The following GARIN1B variants were observed in gnomAD, a reference collection of about 807,000 sequenced individuals.
GARIN1B encodes the protein golgi associated RAB2 interactor 1B, also known as Golgi-associated RAB2 interactor protein 1B.
At chr7:128,710,885 C>T in the GARIN1B span, among the ~76,000 whole-genome samples, 3 of 151,852 alleles carry the variant, frequency 2.0e-5, no homozygotes, top group African/African-American at 4.8e-5. Context: ...CTCGAACTCC[C>T]AACCTCAGGT....
At chr7:128,726,950 T>C in the GARIN1B span, 1 of 1,235,946 alleles carries the variant, frequency 8.1e-7, no homozygotes, top group Non-Finnish European at 1.2e-6. Context: ...CCAGCCCCCA[T>C]CCTGGTTGTC....
chr7:128,725,496 A>G, the GARIN1B span, among the ~76,000 whole-genome samples: 1 of 151,982 alleles, frequency 6.6e-6, no homozygotes, highest in African/African-American at 2.4e-5. Context: ...CTTAGCCTCC[A>G]GTGTAGCTGG....
At chr7:128,721,272 G>T in the GARIN1B span, among the ~76,000 whole-genome samples, 1 of 152,218 alleles carries the variant, frequency 6.6e-6, no homozygotes. Flanking sequence ...CACATGCTTG[G>T]CCTATTTTGT....
the GARIN1B span, among the ~76,000 whole-genome samples, chr7:128,725,534 G>C: frequency 6.6e-6 from 1 of 152,036 alleles, no homozygotes; most frequent in African/African-American, 2.4e-5. Flanking sequence ...ACCATGCCTG[G>C]CTAATTTTTG....
chr7:128,731,499 C>T, the GARIN1B span: 13 of 302,022 alleles, frequency 4.3e-5, no homozygotes, highest in East Asian at 2.6e-4. Flanking sequence ...TAATAGGAAA[C>T]GGAAGAGACT....
At chr7:128,731,375 T>A in the GARIN1B span, 1 of 546,120 alleles carries the variant, frequency 1.8e-6, no homozygotes, top group Non-Finnish European at 3.3e-6. Flanking sequence ...GCCCAAGAGA[T>A]GAAGGAAAGG....
At chr7:128,715,779 G>A in the GARIN1B span, 2 of 1,186,068 alleles carry the variant, frequency 1.7e-6, no homozygotes, top group African/African-American at 1.5e-5. Flanking sequence ...CTGAAACTGG[G>A]GCAGAGTGAG....
the GARIN1B span, chr7:128,719,130 G>C: frequency 6.3e-7 from 1 of 1,591,988 alleles, no homozygotes; most frequent in South Asian, 1.1e-5. Flanking sequence ...AAAGCAGCAA[G>C]GTAGAGCTTA....
the GARIN1B span, among the ~76,000 whole-genome samples, chr7:128,726,146 C>A: frequency 1.3e-5 from 2 of 152,218 alleles, no homozygotes; most frequent in East Asian, 3.8e-4. Flanking sequence ...ATTTAGACTT[C>A]CAGTATCATG....
At chr7:128,714,476 G>A in the GARIN1B span, among the ~76,000 whole-genome samples, 7 of 152,086 alleles carry the variant, frequency 4.6e-5, no homozygotes, top group African/African-American at 1.4e-4. Flanking sequence ...TACTCGGGAG[G>A]CTGAGGCAGG....
At chr7:128,729,963 A>T in the GARIN1B span, 1 of 1,613,572 alleles carries the variant, frequency 6.2e-7, no homozygotes, top group Non-Finnish European at 8.5e-7. Flanking sequence ...GGAGGGCTTC[A>T]TTCACGTACG....
At chr7:128,722,614 G>A in the GARIN1B span, among the ~76,000 whole-genome samples, 2 of 152,182 alleles carry the variant, frequency 1.3e-5, no homozygotes, top group South Asian at 2.1e-4. Context: ...GACCAGCCTG[G>A]CCAACATGGT....
At chr7:128,725,588 T>C in the GARIN1B span, among the ~76,000 whole-genome samples, 1 of 152,142 alleles carries the variant, frequency 6.6e-6, no homozygotes, top group Non-Finnish European at 1.5e-5. Flanking sequence ...GCCAGGCTGG[T>C]CTCAAACTCC....
chr7:128,726,669 G>A, the GARIN1B span: 8 of 208,524 alleles, frequency 3.8e-5, no homozygotes, highest in Non-Finnish European at 5.5e-5. Context: ...TTTAATATGC[G>A]TCACACCCAT....
At chr7:128,718,982 A>G in the GARIN1B span, 1 of 1,614,180 alleles carries the variant, frequency 6.2e-7, no homozygotes, top group South Asian at 1.1e-5. Context: ...ACTGGTTCAA[A>G]TTCTGCAAAA....
chr7:128,723,968 A>G, the GARIN1B span, among the ~76,000 whole-genome samples: 1 of 152,208 alleles, frequency 6.6e-6, no homozygotes, highest in Non-Finnish European at 1.5e-5. Context: ...TAAGTTAGGT[A>G]TACAGGTGAA....
chr7:128,716,877 C>T, the GARIN1B span: 1 of 1,613,926 alleles, frequency 6.2e-7, no homozygotes, highest in Non-Finnish European at 8.5e-7. Flanking sequence ...CTGGGGGTGA[C>T]CTCCTCGGTA....
At chr7:128,723,756 C>T in the GARIN1B span, among the ~76,000 whole-genome samples, 1 of 151,966 alleles carries the variant, frequency 6.6e-6, no homozygotes, top group South Asian at 2.1e-4. Context: ...AGGTGAGCTG[C>T]CCGCCTCGGC....
chr7:128,717,009 A>G, the GARIN1B span: 1 of 1,595,904 alleles, frequency 6.3e-7, no homozygotes, highest in South Asian at 1.1e-5. Flanking sequence ...TGAGCAATGC[A>G]GATGAGAATG....
Sources: gnomAD v4.1 joint callset for allele counts (sites outside exome capture counted in the v4.1 genomes callset) on GRCh38, gnomAD v4.1.1 for gene constraint, MANE v1.5 for transcripts, NCBI Gene and HGNC (gene_info 2026-07-23, HGNC 2026-07-21) for gene names.